SLC4A10: variants seen among roughly 807,000 people sequenced by gnomAD.
The protein encoded by SLC4A10 is sodium-driven chloride bicarbonate exchanger.
Under a neutral mutation model 137.7 loss-of-function variants are expected in SLC4A10, and 42 were observed. The observed-to-expected ratio is 0.30, with a 90% CI of 0.24 to 0.39. SLC4A10 has a LOEUF of 0.39. SLC4A10 is among the 10% of genes least tolerant of loss of function. The pLI is 1.00. For missense variants in SLC4A10, 925 were observed against 1,355.0 expected (o/e 0.68, Z 4.98); for synonymous variants, 474 against 464.1 (o/e 1.02, Z -0.27).
At chr2:161,938,139 C>T (rs776500743) in intron 15 of SLC4A10, among the ~76,000 whole-genome samples, 113 of 152,152 alleles carry the variant, frequency 7.4e-4, no homozygotes, top group Non-Finnish European at 1.1e-3. Context: ...GGCACGATGG[C>T]GATCATCTGC....
intron 1 of SLC4A10, among the ~76,000 whole-genome samples, chr2:161,747,195 T>C (rs530168538): frequency 6.6e-6 from 1 of 152,230 alleles, no homozygotes; most frequent in South Asian, 2.1e-4. Context: ...CCAAAGCACA[T>C]TAGCCCACAG....
intron 1 of SLC4A10, among the ~76,000 whole-genome samples, chr2:161,685,619 CAAA>C (rs1400801055): frequency 2.2e-5 from 3 of 139,446 alleles, no homozygotes; most frequent in Non-Finnish European, 3.1e-5. Context: ...GAAAAACAAA[CAAA>C]CAAACAAACA....
chr2:161,790,735 C>T (rs920383963), intron 2 of SLC4A10, among the ~76,000 whole-genome samples: 4 of 151,926 alleles, frequency 2.6e-5, no homozygotes, highest in African/African-American at 7.2e-5. Context: ...AATGGGTATC[C>T]TAGGAACAAG....
chr2:161,807,233 G>A (rs2056079555), intron 3 of SLC4A10, among the ~76,000 whole-genome samples: 1 of 152,022 alleles, frequency 6.6e-6, no homozygotes, highest in Non-Finnish European at 1.5e-5. Flanking sequence ...ATTTGGGTGG[G>A]GACACAACCA....
chr2:161,885,271 A>G (rs1452423729), intron 10 of SLC4A10, among the ~76,000 whole-genome samples: 1 of 140,058 alleles, frequency 7.1e-6, no homozygotes, highest in African/African-American at 2.6e-5. Flanking sequence ...ATGTTGATTC[A>G]TAGTTTACTT....
intron 23 of SLC4A10, among the ~76,000 whole-genome samples, chr2:161,967,414 A>G (rs947892742): frequency 3.9e-5 from 6 of 152,198 alleles, no homozygotes; most frequent in African/African-American, 1.4e-4. Context: ...AATACAAATG[A>G]CTGTAAAATA....
At position 161,630,894 on chromosome 2, in the gene SLC4A10, TA is replaced by T. The variant is rs575193285; in HGVS notation, c.48+6329del. On this transcript the variant is annotated intron_variant, in intron 1 of 26. Coordinates refer to ENST00000446997, the MANE Select transcript of SLC4A10 (RefSeq NM_001178015.2). ...GAAGTGCTAAGCTAGGATTTGAAAA[TA>T]TTTTTTTAGTTAATAAGTAACTTGT... Among the ~76,000 whole-genome samples the T allele has an allele frequency of 6.8e-3, 1,032 of 151,814 alleles. 7 individuals carry two copies. Among genetic ancestry groups the T allele is most frequent in the African/African-American group, 0.023 (969 of 41,508 alleles).
At chr2:161,629,811 T>C (rs2033181339) in intron 1 of SLC4A10, among the ~76,000 whole-genome samples, 1 of 152,030 alleles carries the variant, frequency 6.6e-6, no homozygotes, top group Middle Eastern at 3.4e-3. Context: ...CATAGCCTTT[T>C]CAGATTGGCT....
At chr2:161,879,579 AAAG>A in intron 9 of SLC4A10, among the ~76,000 whole-genome samples, 1 of 148,986 alleles carries the variant, frequency 6.7e-6, no homozygotes, top group East Asian at 1.9e-4. Flanking sequence ...ATTTTTGGTA[AAAG>A]AAGTGGTAAC....
Position 161,627,109 on chromosome 2 carries a change from TCCTGAC to T in SLC4A10, c.48+2544_48+2549del, listed in dbSNP as rs1430207777. Reference sequence around the variant, plus strand: ...ATCAGTTAAATAACTTATATGAAGTTCCTGACATTTAGTAAGTGTTCAATAAAACTT... The same window carrying T: ...ATCAGTTAAATAACTTATATGAAGTTATTTAGTAAGTGTTCAATAAAACTT... On this transcript the variant is annotated intron_variant, in intron 1 of 26. Coordinates refer to ENST00000446997, the MANE Select transcript of SLC4A10 (RefSeq NM_001178015.2). Among the ~76,000 whole-genome samples, 18 of 152,280 alleles carry T rather than the reference TCCTGAC, an allele frequency of 1.2e-4. No individual in the cohort carries two copies. In the East Asian group the frequency reaches 3.3e-3, roughly 28 times the overall value.
chr2:161,662,215 C>T (rs73971348), intron 1 of SLC4A10, among the ~76,000 whole-genome samples: 3 of 151,890 alleles, frequency 2.0e-5, no homozygotes, highest in African/African-American at 4.8e-5. Flanking sequence ...ATTTTTTCTA[C>T]GGTAAAAAAA....
At chr2:161,706,650 C>T (rs2043693083) in intron 1 of SLC4A10, among the ~76,000 whole-genome samples, 1 of 151,454 alleles carries the variant, frequency 6.6e-6, no homozygotes, top group Non-Finnish European at 1.5e-5. Context: ...TCTCATTTCC[C>T]TAAGGGTAAA....
intron 1 of SLC4A10, among the ~76,000 whole-genome samples, chr2:161,657,076 T>A (rs993307634): frequency 6.6e-6 from 1 of 151,450 alleles, no homozygotes; most frequent in African/African-American, 2.4e-5. Context: ...TGTCTAATAA[T>A]TGTAGCAAGC....
At chr2:161,791,593 C>T (rs1171509278) in intron 2 of SLC4A10, among the ~76,000 whole-genome samples, 3 of 152,182 alleles carry the variant, frequency 2.0e-5, no homozygotes, top group Admixed American at 2.0e-4. Context: ...TGCAACAAAA[C>T]TGCACATATT....
At chr2:161,743,533 AATT>A (rs1433654023) in intron 1 of SLC4A10, among the ~76,000 whole-genome samples, 1 of 151,972 alleles carries the variant, frequency 6.6e-6, no homozygotes, top group African/African-American at 2.4e-5. Context: ...TCTATAATAT[AATT>A]TGAAGTCAGG....
chr2:161,706,388 G>T (rs530007553), intron 1 of SLC4A10, among the ~76,000 whole-genome samples: 1 of 151,504 alleles, frequency 6.6e-6, no homozygotes, highest in Non-Finnish European at 1.5e-5. Flanking sequence ...AATGAACCTT[G>T]CTTGATGTTT....
intron 15 of SLC4A10, among the ~76,000 whole-genome samples, chr2:161,911,866 T>C (rs1204454440): frequency 2.0e-5 from 3 of 152,102 alleles, no homozygotes; most frequent in African/African-American, 7.2e-5. Context: ...AAAATAAATA[T>C]AATAGTAGGC....
At chr2:161,848,850 C>T (rs1575267431) in intron 4 of SLC4A10, among the ~76,000 whole-genome samples, 1 of 152,070 alleles carries the variant, frequency 6.6e-6, no homozygotes, top group African/African-American at 2.4e-5. Context: ...TTCAGGATCA[C>T]TTTGGCTATT....
At chr2:161,775,765 T>C (rs967136329) in intron 2 of SLC4A10, among the ~76,000 whole-genome samples, 2 of 151,970 alleles carry the variant, frequency 1.3e-5, no homozygotes, top group Non-Finnish European at 2.9e-5. Context: ...GAATGAATGA[T>C]GGCACTTTTT....
Sources: gnomAD v4.1 joint callset for allele counts (sites outside exome capture counted in the v4.1 genomes callset) on GRCh38, gnomAD v4.1.1 for gene constraint, MANE v1.5 for transcripts, NCBI Gene and HGNC (gene_info 2026-07-23, HGNC 2026-07-21) for gene names.